KLHL8: variants seen among roughly 807,000 people sequenced by gnomAD.
KLHL8 encodes kelch-like protein 8.
A neutral mutation model predicts 63.5 loss-of-function variants in KLHL8; 38 were observed. That is an observed-to-expected ratio of 0.60 (90% confidence interval 0.46 to 0.78). The LOEUF is 0.78. Among genes scored for constraint, KLHL8 ranks in the 30% least tolerant of loss-of-function variants. The pLI, the probability that KLHL8 is intolerant of heterozygous loss-of-function variation, is 0.00. For synonymous variants in KLHL8, 224 were observed against 254.3 expected, an observed-to-expected ratio of 0.88 and a Z score of 1.13; for missense variants, 566 against 752.4, an observed-to-expected ratio of 0.75 and a Z score of 2.90.
At chr4:87,202,881 C>T (rs182306840) in intron 1 of KLHL8, among the ~76,000 whole-genome samples, 47 of 152,218 alleles carry the variant, frequency 3.1e-4, no homozygotes, top group African/African-American at 1.1e-3. Context: ...ATCAATATCC[C>T]TCATGAATAC....
intron 9 of KLHL8, 65 bp from the exon 10 acceptor site, chr4:87,163,707 AG>A (rs1218729445): frequency 6.3e-7 from 1 of 1,596,626 alleles, no homozygotes; most frequent in Admixed American, 1.7e-5. Context: ...TACTAACCAA[AG>A]ACAAAAATTC....
intron 1 of KLHL8, chr4:87,207,909 C>G: frequency 7.4e-7 from 1 of 1,355,828 alleles, no homozygotes; most frequent in East Asian, 2.3e-5. Flanking sequence ...GCATCCTGGG[C>G]TACACTGAGC....
chr4:87,183,182 T>C (rs769558954), intron 4 of KLHL8, 21 bp downstream of exon 4: 8 of 1,555,838 alleles, frequency 5.1e-6, no homozygotes, highest in African/African-American at 1.4e-5. Context: ...TCCAGGAGAA[T>C]TGACAAAATA....
chr4:87,234,643 A>G (rs1733196023), intron 1 of KLHL8, among the ~76,000 whole-genome samples: 1 of 152,188 alleles, frequency 6.6e-6, no homozygotes, highest in Non-Finnish European at 1.5e-5. Flanking sequence ...AGAAATGACT[A>G]TGTTACTGGT....
chr4:87,172,491 G>T (rs1730672480), intron 6 of KLHL8, among the ~76,000 whole-genome samples: 1 of 152,078 alleles, frequency 6.6e-6, no homozygotes, highest in Admixed American at 6.5e-5. Flanking sequence ...TTTGTTACAT[G>T]GACATAGAAA....
In KLHL8 at chr4:87,170,527, A is replaced by G. The variant is rs1337538482; in HGVS notation, c.1297T>C (p.Tyr433His). The change falls in exon 7 of 10, where the codon TAT (tyrosine) becomes CAT (histidine). Residue 433 changes from tyrosine to histidine, a missense_variant. Tyr to His is a moderately conservative substitution (Grantham distance 83). Transcript: ENST00000273963. The stretch of plus-strand genomic sequence containing the variant: ...CTCCACTGATCAGATTCTATGTCAT[A>G]TCTCTCCACATCATTGAAGCAAGTA... ...DNTCFNDVER[Y>H]DIESDQWSTV... 3 of 1,613,940 alleles carry G rather than the reference A, an allele frequency of 1.9e-6. No homozygotes were observed. In the African/African-American group the frequency reaches 4.0e-5, roughly 22 times the overall value.
chr4:87,235,843 A>G (rs1733216604), intron 1 of KLHL8, among the ~76,000 whole-genome samples: 2 of 151,760 alleles, frequency 1.3e-5, no homozygotes, highest in Non-Finnish European at 2.9e-5. Flanking sequence ...TTAGGCCAAA[A>G]CACAAGTCTT....
chr4:87,215,749 C>CA (rs1560717183), intron 1 of KLHL8, among the ~76,000 whole-genome samples: 1 of 151,832 alleles, frequency 6.6e-6, no homozygotes, highest in African/African-American at 2.4e-5. Context: ...TTCAGAAATT[C>CA]AAAAAAAGCA....
intron 1 of KLHL8, among the ~76,000 whole-genome samples, chr4:87,229,734 C>CA (rs1553950611): frequency 7.0e-6 from 1 of 142,246 alleles, no homozygotes; most frequent in Non-Finnish European, 1.5e-5. Flanking sequence ...ACCTGGCCTA[C>CA]TTTTTTTTTT....
chr4:87,171,986 C>T (rs1419962022), intron 6 of KLHL8, among the ~76,000 whole-genome samples: 1 of 152,170 alleles, frequency 6.6e-6, no homozygotes, highest in South Asian at 2.1e-4. Flanking sequence ...CTGCCCACCT[C>T]GCTGTGGTAG....
At chr4:87,194,090 T>C (rs556469170) in intron 2 of KLHL8, among the ~76,000 whole-genome samples, 26 of 152,304 alleles carry the variant, frequency 1.7e-4, no homozygotes, top group African/African-American at 5.1e-4. Context: ...AAATCATGTG[T>C]TGAAACTTAA....
At position 87,200,161 on chromosome 4, in the gene KLHL8, GAAAAAAAA is replaced by G. The variant is rs1204286144; in HGVS notation, c.-151-4479_-151-4472del. On this transcript the variant is annotated intron_variant, in intron 1 of 9. Coordinates refer to ENST00000273963, the MANE Select transcript of KLHL8 (RefSeq NM_020803.5). ...CTCAAAAAAAAAAAAAAAAAAAAAA[GAAAAAAAA>G]AAAGGTAAAGGACTTGAATAGACAT... Among the ~76,000 whole-genome samples the G allele has an allele frequency of 2.9e-5, 3 of 103,406 alleles. No homozygotes were observed. The East Asian group carries it at 8.9e-4, about 31-fold the overall frequency. 67.8% of individuals were successfully genotyped at this position (103,406 alleles called of 152,430 possible).
chr4:87,167,330 C>A, intron 8 of KLHL8: 1 of 443,966 alleles, frequency 2.3e-6, no homozygotes, highest in South Asian at 1.9e-5. Flanking sequence ...CCACCTCTGC[C>A]TGGTTTGGAA....
chr4:87,238,347 A>G (rs1289043140), intron 1 of KLHL8, among the ~76,000 whole-genome samples: 1 of 152,248 alleles, frequency 6.6e-6, no homozygotes, highest in Non-Finnish European at 1.5e-5. Context: ...ATGTATTTTC[A>G]TAAAGCATTT....
chr4:87,223,019 C>G (rs569075842), upstream of KLHL8, among the ~76,000 whole-genome samples: 21 of 152,292 alleles, frequency 1.4e-4, no homozygotes, highest in African/African-American at 5.1e-4. Context: ...GTGAGTAGCA[C>G]AATCATGGCT....
intron 8 of KLHL8, among the ~76,000 whole-genome samples, chr4:87,165,015 G>A (rs193014922): frequency 0.029 from 4,398 of 151,924 alleles, 212 homozygotes; most frequent in African/African-American, 0.1. Flanking sequence ...TGGGCATGGT[G>A]GCGGGCGCCT....
At chr4:87,221,104 A>G (rs574814414), upstream of KLHL8, 2 of 152,412 alleles carry the variant, frequency 1.3e-5, no homozygotes, top group Non-Finnish European at 2.9e-5. Flanking sequence ...GCTGCTAAAA[A>G]GCAGTGCAAG....
chr4:87,171,225 T>C (rs1208929674), intron 6 of KLHL8, among the ~76,000 whole-genome samples: 1 of 152,138 alleles, frequency 6.6e-6, no homozygotes, highest in African/African-American at 2.4e-5. Context: ...CAATCAAAAG[T>C]TGAACTATTA....
At chr4:87,206,819 G>A (rs911874245) in intron 1 of KLHL8, among the ~76,000 whole-genome samples, 11 of 152,174 alleles carry the variant, frequency 7.2e-5, no homozygotes, top group Non-Finnish European at 1.0e-4. Flanking sequence ...CCCATAGTAC[G>A]CTGTATTTCT....
Sources: allele counts gnomAD v4.1 joint callset (sites outside exome capture counted in the v4.1 genomes callset), GRCh38; gene constraint gnomAD v4.1.1; transcripts MANE v1.5; gene names NCBI Gene and HGNC (gene_info 2026-07-23, HGNC 2026-07-21).